The following RHBDL3 variants were observed in gnomAD, a reference collection of about 807,000 sequenced individuals.
RHBDL3 encodes rhomboid-related protein 3.
RHBDL3 carries 28 observed loss-of-function variants against 48.2 expected under a neutral mutation model. The observed-to-expected ratio is 0.58, with a 90% CI of 0.43 to 0.80. The LOEUF (loss-of-function observed/expected upper bound fraction) is 0.80. Ranked by LOEUF, RHBDL3 falls within the 30% of genes least tolerant of loss-of-function variation. RHBDL3 has a pLI of 0.00. For missense variants in RHBDL3, 464 were observed against 542.7 expected (o/e 0.85, Z 1.44); for synonymous variants, 208 against 232.3 (o/e 0.90, Z 0.95).
At chr17:32,303,928 C>G (rs1297832521) in intron 6 of RHBDL3, among the ~76,000 whole-genome samples, 1 of 152,158 alleles carries the variant, frequency 6.6e-6, no homozygotes, top group African/African-American at 2.4e-5. Context: ...AGCTAATTGG[C>G]TCTTGAGCCC....
At chr17:32,267,366 AAACG>A (rs1468752898) in intron 1 of RHBDL3, among the ~76,000 whole-genome samples, 1 of 142,680 alleles carries the variant, frequency 7.0e-6, no homozygotes, top group Non-Finnish European at 1.5e-5. Flanking sequence ...AAAAAACAAA[AAACG>A]AACAAACAAA....
At position 32,302,141 on chromosome 17, in the gene RHBDL3, T is replaced by G. The variant is rs191935866; in HGVS notation, c.782-3200T>G. The stretch of plus-strand genomic sequence containing the variant: ...ATTCTCTCCTAGTCCTCTGCCTCCA[T>G]GACCTCTGTGGAATTCATACTGGTC... On this transcript the variant is annotated intron_variant, in intron 6 of 8. Transcript: ENST00000269051. 2.6e-4 allele frequency among the ~76,000 whole-genome samples: 39 copies of G among 152,354 alleles called. No homozygotes were observed. In the East Asian group the frequency reaches 7.3e-3, roughly 29 times the overall value.
chr17:32,308,956 C>T (rs889381863), intron 7 of RHBDL3, among the ~76,000 whole-genome samples: 15 of 151,980 alleles, frequency 9.9e-5, no homozygotes, highest in Non-Finnish European at 1.8e-4. Flanking sequence ...ATCCCAGCTA[C>T]TCAGGAAGCT....
chr17:32,294,510 G>C, intron 5 of RHBDL3, 68 bp downstream of exon 5: 1 of 1,408,052 alleles, frequency 7.1e-7, no homozygotes. Context: ...AGATAGCCTG[G>C]ATTGAAATAT....
In RHBDL3 at chr17:32,323,273, C is replaced by A. The variant is rs1287451717; in HGVS notation, c.*2044C>A. 1 of 152,380 alleles carries A rather than the reference C, an allele frequency of 6.6e-6. No homozygotes were observed. Among genetic ancestry groups the A allele is most frequent in the East Asian group, 1.9e-4 (1 of 5,190 alleles). The allele number at this position is 152,380 out of a possible 1,614,324, so 9.4% of individuals were successfully genotyped here. A position where few individuals can be genotyped will look rare whatever the true frequency, so the allele number is the denominator to read the frequency against. On this transcript the variant is annotated 3_prime_UTR_variant, in exon 9 of 9. Coordinates refer to ENST00000269051, the MANE Select transcript of RHBDL3 (RefSeq NM_138328.3). ...GTCAGCCTGGGGCGTCTTGTGTGTGCCCTGCCCACCGTTCTCTGCCCTAGT... is the reference window on the plus strand; with the variant it reads ...GTCAGCCTGGGGCGTCTTGTGTGTGACCTGCCCACCGTTCTCTGCCCTAGT...
intron 2 of RHBDL3, among the ~76,000 whole-genome samples, chr17:32,271,730 CAA>C (rs2039779001): frequency 6.6e-6 from 1 of 152,174 alleles, no homozygotes; most frequent in Non-Finnish European, 1.5e-5. Context: ...CTCAAAAGAA[CAA>C]GAGGGAAAAT....
intron 7 of RHBDL3, among the ~76,000 whole-genome samples, chr17:32,313,978 CG>C (rs2040910170): frequency 6.6e-6 from 1 of 152,028 alleles, no homozygotes; most frequent in South Asian, 2.1e-4. Flanking sequence ...AGGATGGTCT[CG>C]ATCTCCTTTG....
chr17:32,294,124 A>G (rs537319603), intron 4 of RHBDL3, among the ~76,000 whole-genome samples, 170 bp from the exon 5 acceptor site: 16 of 136,660 alleles, frequency 1.2e-4, no homozygotes, highest in Admixed American at 7.3e-4. Flanking sequence ...GCGAAACTCC[A>G]TCTCAAAAAA....
intron 2 of RHBDL3, among the ~76,000 whole-genome samples, chr17:32,270,572 G>A (rs2039748994): frequency 6.6e-6 from 1 of 152,010 alleles, no homozygotes; most frequent in Non-Finnish European, 1.5e-5. Context: ...GAAAGCAGGT[G>A]ACCCCAGTCC....
Position 32,266,101 on chromosome 17 carries a change from G to A in RHBDL3, c.-89G>A, listed in dbSNP as rs1228704475. On this transcript the variant is annotated 5_prime_UTR_variant, in exon 1 of 9. The change creates a premature stop within an existing upstream ORF in the 5' untranslated region. Coordinates refer to ENST00000269051, the MANE Select transcript of RHBDL3 (RefSeq NM_138328.3). Reference sequence around the variant, plus strand: ...GCGGCGCGGCGCGCACTGAGCCCCTGGAGCGGCGCGGCCGCCGCGGCGCAA... The same window carrying A: ...GCGGCGCGGCGCGCACTGAGCCCCTAGAGCGGCGCGGCCGCCGCGGCGCAA... The A allele has an allele frequency of 2.4e-5, 7 of 293,810 alleles. No homozygotes were observed. Among genetic ancestry groups the A allele is most frequent in the African/African-American group, 1.6e-4 (7 of 43,720 alleles). 18.2% of individuals were successfully genotyped at this position (293,810 alleles called of 1,614,324 possible). A position where few individuals can be genotyped will look rare whatever the true frequency, so the allele number is the denominator to read the frequency against.
chr17:32,281,342 AC>A, intron 2 of RHBDL3, among the ~76,000 whole-genome samples: 1 of 149,538 alleles, frequency 6.7e-6, no homozygotes, highest in African/African-American at 2.5e-5. Context: ...CTGCACCCCC[AC>A]CCCACGGCCC....
At chr17:32,276,135 C>A (rs7219312) in intron 2 of RHBDL3, among the ~76,000 whole-genome samples, 77,761 of 151,716 alleles carry the variant, frequency 0.51, 21,058 homozygotes, top group African/African-American at 0.69. Context: ...AAAAACAAAA[C>A]AAATGTGAAA....
intron 1 of RHBDL3, among the ~76,000 whole-genome samples, chr17:32,266,954 G>A (rs947466383): frequency 6.6e-6 from 1 of 151,948 alleles, no homozygotes; most frequent in Non-Finnish European, 1.5e-5. Flanking sequence ...CTGCCCCGAG[G>A]GCTTCCCCGC....
At position 32,305,254 on chromosome 17, in the gene RHBDL3, C is replaced by T. The variant is rs116597607; in HGVS notation, c.782-87C>T. ...AGCGTCTTGCTCTGGAGTCTTAGCA[C>T]GGAGCCTGCAGAATCCAAGGCCTGG... is the stretch of plus-strand genomic sequence containing the variant. On this transcript the variant is annotated intron_variant, in intron 6 of 8. Coordinates refer to ENST00000269051, the MANE Select transcript of RHBDL3 (RefSeq NM_138328.3). The T allele has an allele frequency of 1.0e-3, 864 of 867,198 alleles. 6 individuals carry two copies. The African/African-American group carries it at 0.012, about 12-fold the overall frequency. 53.7% of individuals were successfully genotyped at this position (867,198 alleles called of 1,614,324 possible).
rs2039616694 is a variant in RHBDL3, at chr17:32,265,907, G to T, written c.-283G>T. Among the ~76,000 whole-genome samples, 1 of 146,822 alleles carries T rather than the reference G, an allele frequency of 6.8e-6. No individual in the cohort carries two copies. The highest frequency in any genetic ancestry group is 6.8e-5 in the Admixed American group (1 of 14,814). ...CCGGGGCCGGCCCAAGGGCGCCCTC[G>T]CCTCGGAGCCGGGCGCGAGGGCCGG... On this transcript the variant is annotated 5_prime_UTR_variant, in exon 1 of 9. Coordinates refer to ENST00000269051, the MANE Select transcript of RHBDL3 (RefSeq NM_138328.3).
chr17:32,291,774 T>A (rs946170255), intron 4 of RHBDL3, among the ~76,000 whole-genome samples: 1 of 141,248 alleles, frequency 7.1e-6, no homozygotes, highest in African/African-American at 2.9e-5. Context: ...GATATTCCTT[T>A]TTTTTTTTTT....
chr17:32,298,307 A>G (rs1218225191), intron 6 of RHBDL3, 103 bp downstream of exon 6: 2 of 682,502 alleles, frequency 2.9e-6, no homozygotes, highest in East Asian at 2.7e-5. Context: ...CACACAGAAG[A>G]TCCTCATCTC....
At chr17:32,270,065 C>G (rs2039734458) in intron 2 of RHBDL3, among the ~76,000 whole-genome samples, 1 of 150,160 alleles carries the variant, frequency 6.7e-6, no homozygotes. Context: ...GTGGCTAACG[C>G]CGGTAATCCC....
At chr17:32,320,587 G>C (rs936188640) in intron 8 of RHBDL3, among the ~76,000 whole-genome samples, 13 of 152,178 alleles carry the variant, frequency 8.5e-5, no homozygotes, top group Admixed American at 7.9e-4. Flanking sequence ...GCCTCCCAAA[G>C]TGCTGAGATT....
Sources: gnomAD v4.1 joint callset for allele counts (sites outside exome capture counted in the v4.1 genomes callset) on GRCh38, gnomAD v4.1.1 for gene constraint, MANE v1.5 for transcripts, NCBI Gene and HGNC (gene_info 2026-07-23, HGNC 2026-07-21) for gene names.